Variants in RBM33 observed in about 807,000 individuals in gnomAD.
RBM33 encodes the protein RNA-binding protein 33.
A neutral mutation model predicts 132.6 loss-of-function variants in RBM33; 28 were observed. That is an observed-to-expected ratio of 0.21 (90% CI 0.16 to 0.29). RBM33 has a LOEUF of 0.29. RBM33 is among the 10% of genes least tolerant of loss of function. RBM33 has a pLI of 1.00. For missense variants in RBM33, 1,291 were observed against 1,518.5 expected, an observed-to-expected ratio of 0.85 and a Z score of 2.49; for synonymous variants, 634 against 593.0, an observed-to-expected ratio of 1.07 and a Z score of -1.01.
At chr7:155,649,438 G>GA (rs1413825953) in intron 1 of RBM33, among the ~76,000 whole-genome samples, 1 of 152,132 alleles carries the variant, frequency 6.6e-6, no homozygotes, top group Non-Finnish European at 1.5e-5. Flanking sequence ...TTTTCTGTAT[G>GA]AATCTGAAAA....
intron 5 of RBM33, among the ~76,000 whole-genome samples, chr7:155,700,308 G>C (rs1799920447): frequency 6.6e-6 from 1 of 152,176 alleles, no homozygotes; most frequent in African/African-American, 2.4e-5. Context: ...TGGACTGCTT[G>C]TCTGGCAGTG....
At chr7:155,681,021 T>TA in intron 5 of RBM33, 113 bp downstream of exon 5, 1 of 793,146 alleles carries the variant, frequency 1.3e-6, no homozygotes, top group Non-Finnish European at 2.0e-6. Flanking sequence ...AATTAGACCT[T>TA]ATTATCACTC....
In RBM33 at chr7:155,673,944, T is replaced by TG. The variant is rs1563138306; in HGVS notation, c.171+1029_171+1030insG. 9.5e-3 allele frequency among the ~76,000 whole-genome samples: 819 copies of TG among 86,440 alleles called. 152 individuals are homozygous for TG. The highest frequency in any genetic ancestry group is 0.044 in the South Asian group (86 of 1,938). The allele number at this position is 86,440 out of a possible 152,430, so 56.7% of individuals were successfully genotyped here. Reference sequence around the variant, plus strand: ...TATCAAGATAGTTTAGGCTTAGTTTTTTTTTTTTTTTTTTTTTTTTTTTTT... The same window carrying TG: ...TATCAAGATAGTTTAGGCTTAGTTTTGTTTTTTTTTTTTTTTTTTTTTTTTT... On this transcript the variant is annotated intron_variant, in intron 3 of 17. Coordinates refer to ENST00000401878, the MANE Select transcript of RBM33 (RefSeq NM_053043.3).
At position 155,673,247 on chromosome 7, in the gene RBM33, C is replaced by G. The variant is rs527556235; in HGVS notation, c.171+332C>G. 1.3e-5 allele frequency among the ~76,000 whole-genome samples: 2 copies of G among 152,088 alleles called. 1 individual carries two copies. Among genetic ancestry groups the G allele is most frequent in the South Asian group, 4.1e-4 (2 of 4,820 alleles). On this transcript the variant is annotated intron_variant, in intron 3 of 17. Transcript: ENST00000401878. ...GAGGTGAATATTTTGCATACTTGTT[C>G]TGGATTTCACTTTTTGGAGGCATTC...
intron 14 of RBM33, among the ~76,000 whole-genome samples, chr7:155,759,782 C>G (rs1464191752): frequency 6.6e-6 from 1 of 152,152 alleles, no homozygotes. Context: ...ATAACATCCT[C>G]CTTTTGGTGC....
intron 6 of RBM33, among the ~76,000 whole-genome samples, chr7:155,702,546 A>G (rs768839571): frequency 6.6e-6 from 1 of 152,244 alleles, no homozygotes; most frequent in Non-Finnish European, 1.5e-5. Flanking sequence ...CTTAAAACAG[A>G]AGGATGAAAA....
intron 9 of RBM33, among the ~76,000 whole-genome samples, chr7:155,725,166 GCTTTCCTTTTTTAGTTGGTT>G (rs1310821985): frequency 3.4e-5 from 5 of 146,556 alleles, no homozygotes; most frequent in Non-Finnish European, 6.0e-5. Flanking sequence ...TGATACTACT[GCTTTCCTTTTTTAGTTGGTT>G]CTTTCCTTTT....
In RBM33 at chr7:155,774,717, A is replaced by G; in HGVS notation, c.3464+70A>G. Reference sequence around the variant, plus strand: ...AAGGCCCTCCTTCCTGTGCCCTCCCATCCATCATGGTAGCAAGCGTGTGTC... The same window carrying G: ...AAGGCCCTCCTTCCTGTGCCCTCCCGTCCATCATGGTAGCAAGCGTGTGTC... On this transcript the variant is annotated intron_variant, in intron 17 of 17. Coordinates refer to ENST00000401878, the MANE Select transcript of RBM33 (RefSeq NM_053043.3). This position sits in a 1 kb window ranked among gnomAD's most constrained non-coding sequence, Gnocchi z 4.2. 3 of 1,241,240 alleles carry G rather than the reference A, an allele frequency of 2.4e-6. No homozygotes were observed. The highest frequency in any genetic ancestry group is 2.4e-5 in the South Asian group (2 of 83,528). 76.9% of individuals were successfully genotyped at this position (1,241,240 alleles called of 1,614,324 possible).
At chr7:155,773,426 G>C (rs932978977) in intron 16 of RBM33, among the ~76,000 whole-genome samples, 16 of 151,924 alleles carry the variant, frequency 1.1e-4, no homozygotes, top group Admixed American at 9.9e-4. Flanking sequence ...AATTAGCTAG[G>C]GCGTGGTGAT....
intron 10 of RBM33, 91 bp from the exon 11 acceptor site, chr7:155,737,969 C>T: frequency 3.5e-6 from 4 of 1,155,904 alleles, no homozygotes; most frequent in Non-Finnish European, 5.0e-6. Context: ...CTTGTGACTT[C>T]TGTCCACAGT....
chr7:155,768,023 G>A (rs1422055296), intron 16 of RBM33, among the ~76,000 whole-genome samples: 7 of 152,194 alleles, frequency 4.6e-5, no homozygotes, highest in Non-Finnish European at 1.0e-4. Context: ...GGTGCGCTTG[G>A]CGAGGCCTCA....
intron 5 of RBM33, among the ~76,000 whole-genome samples, chr7:155,692,051 CAA>C (rs1363312755): frequency 1.6e-4 from 17 of 108,498 alleles, no homozygotes; most frequent in Admixed American, 3.8e-4. Context: ...ACCCTCTGTC[CAA>C]AAAAAAAAAA....
At position 155,763,952 on chromosome 7, in the gene RBM33, G is replaced by A. The variant is rs1563181696; in HGVS notation, c.3120G>A (p.Gly1040=). The A allele has an allele frequency of 6.3e-7, 1 of 1,598,836 alleles. No individual in the cohort carries two copies. Among genetic ancestry groups the A allele is most frequent in the African/African-American group, 1.3e-5 (1 of 74,748 alleles). The change falls in exon 15 of 18, where the codon GGG becomes GGA. Residue 1040 remains glycine (G), a synonymous_variant. Transcript: ENST00000401878. ...AGCAGCCCCCACATCTGCCAGCGGG[G>A]CCCCACGCACACTCGCCTGTCCCTC... is the stretch of plus-strand genomic sequence containing the variant. ...GLQQPPHLPA[G]PHAHSPVPPG...
At chr7:155,768,356 C>T (rs765027116) in intron 16 of RBM33, among the ~76,000 whole-genome samples, 3 of 152,180 alleles carry the variant, frequency 2.0e-5, no homozygotes, top group Admixed American at 6.5e-5. Context: ...CATTTTGTAC[C>T]GTGGGTTTGT....
intron 2 of RBM33, among the ~76,000 whole-genome samples, chr7:155,670,601 T>C (rs1378579404): frequency 2.0e-5 from 3 of 152,200 alleles, no homozygotes; most frequent in Non-Finnish European, 4.4e-5. Context: ...AGCATCTTAG[T>C]GTCTCTGTTT....
intron 14 of RBM33, among the ~76,000 whole-genome samples, chr7:155,757,939 CAG>C (rs993403070): frequency 6.6e-6 from 1 of 152,164 alleles, no homozygotes; most frequent in Non-Finnish European, 1.5e-5. Context: ...TTTGTGAACT[CAG>C]AGCTTGCTTA....
At chr7:155,665,688 A>G (rs1055669536) in intron 2 of RBM33, among the ~76,000 whole-genome samples, 1 of 152,224 alleles carries the variant, frequency 6.6e-6, no homozygotes, top group African/African-American at 2.4e-5. Flanking sequence ...AGTGAAGATG[A>G]AAATACCTGT....
intron 3 of RBM33, among the ~76,000 whole-genome samples, chr7:155,677,230 T>C (rs1293837173): frequency 6.6e-6 from 1 of 151,718 alleles, no homozygotes; most frequent in Non-Finnish European, 1.5e-5. Flanking sequence ...TCTTTTTTTT[T>C]TTTTTTGAGA....
At chr7:155,764,974 G>A (rs963770585) in intron 15 of RBM33, among the ~76,000 whole-genome samples, 1 of 152,162 alleles carries the variant, frequency 6.6e-6, no homozygotes, top group East Asian at 1.9e-4. Flanking sequence ...CAGTGATAAC[G>A]CCAGTGTTAA....
Sources: gnomAD v4.1 joint callset for allele counts (sites outside exome capture counted in the v4.1 genomes callset) on GRCh38, gnomAD v4.1.1 for gene constraint, Gnocchi (gnomAD v3.1) non-coding constraint, MANE v1.5 for transcripts, NCBI Gene and HGNC (gene_info 2026-07-23, HGNC 2026-07-21) for gene names.